SAMD15: variants seen among roughly 807,000 people sequenced by gnomAD.
SAMD15 encodes sterile alpha motif domain containing 15.
SAMD15 carries 37 observed loss-of-function variants against 50.5 expected under a neutral mutation model. The observed-to-expected ratio is 0.73, with a 90% CI of 0.56 to 0.96. The LOEUF is 0.96. Among genes scored for constraint, SAMD15 ranks in the 40% least tolerant of loss-of-function variants. The probability of loss-of-function intolerance (pLI) is 0.00; values close to 1 mark genes in which losing one functional copy is unlikely to be tolerated. For missense variants in SAMD15, 789 were observed against 783.8 expected, an observed-to-expected ratio of 1.01 and a Z score of -0.08; for synonymous variants, 255 against 282.8, an observed-to-expected ratio of 0.90 and a Z score of 0.99.
intron 1 of SAMD15, among the ~76,000 whole-genome samples, chr14:77,379,436 T>G (rs1164701245): frequency 6.6e-6 from 1 of 151,418 alleles, no homozygotes; most frequent in East Asian, 1.9e-4. Context: ...AAGGTTGGAG[T>G]GCAGTGGCAC....
rs1010909448 is a variant in SAMD15 at position 77,391,049 on chromosome 14, G to C, written c.1830G>C (p.Glu610Asp). Reference sequence around the variant, plus strand: ...CGCAGGAGCTCCTGGAAATTGAAGAGCCATTATTCAAACGCTCCATCAGCC... The same window carrying C: ...CGCAGGAGCTCCTGGAAATTGAAGACCCATTATTCAAACGCTCCATCAGCC... ...RHTQELLEIE[E>D]PLFKRSISLP... is the part of the protein sequence containing the mutation. Residue 610 changes from glutamate to aspartate, a missense_variant, in exon 3 of 3, where the codon GAG becomes GAC. Glu to Asp is a conservative substitution (Grantham distance 45). Around this residue, in one of 2 missense-constraint regions of SAMD15, gnomAD observed 770 missense variants for 745.4 expected, o/e 1.03. Coordinates refer to ENST00000216471, the MANE Select transcript of SAMD15 (RefSeq NM_001010860.4). The C allele has an allele frequency of 1.2e-6, 2 of 1,613,810 alleles. No individual in the cohort carries two copies. The highest frequency in any genetic ancestry group is 3.3e-5 in the Admixed American group (2 of 59,940).
chr14:77,380,370 G>A lies in SAMD15; in HGVS notation c.1690-13G>A. ...AGTACATTTTTTAAGTGATGTCCTT[G>A]TTGTATTGACAGGAGTGTTTTATCA... On this transcript the variant is annotated splice_polypyrimidine_tract_variant and intron_variant, in intron 1 of 2. Coordinates refer to ENST00000216471, the MANE Select transcript of SAMD15 (RefSeq NM_001010860.4). 1 of 1,560,676 alleles carries A rather than the reference G, an allele frequency of 6.4e-7. No homozygotes were observed. Among genetic ancestry groups the A allele is most frequent in the Non-Finnish European group, 8.8e-7 (1 of 1,131,794 alleles).
chr14:77,388,382 CGTGTGTGT>C (rs376913427), intron 2 of SAMD15, among the ~76,000 whole-genome samples: 8,340 of 133,118 alleles, frequency 0.063, 299 homozygotes, highest in Non-Finnish European at 0.084. Flanking sequence ...GCCACCTGTT[CGTGTGTGT>C]GTGTGTGTGT....
chr14:77,382,314 G>A (rs542237534), intron 2 of SAMD15, among the ~76,000 whole-genome samples: 2 of 152,126 alleles, frequency 1.3e-5, no homozygotes, highest in African/African-American at 4.8e-5. Context: ...TAGTAGAGAT[G>A]GGGTTTCACC....
intron 2 of SAMD15, 114 bp from the exon 3 acceptor site, chr14:77,390,894 A>C: frequency 1.4e-6 from 1 of 734,574 alleles, no homozygotes; most frequent in East Asian, 2.5e-5. Context: ...CGTCTCAAAA[A>C]AAAGAAAGAA....
At position 77,378,207 on chromosome 14, in the gene SAMD15, AT is replaced by A. The variant is rs1317479556; in HGVS notation, c.792del (p.Leu265TrpfsTer14). 1 of 1,614,026 alleles carries A rather than the reference AT, an allele frequency of 6.2e-7. No individual in the cohort carries two copies. The highest frequency in any genetic ancestry group is 1.7e-5 in the Admixed American group (1 of 60,016). ...TEPPEQARLE[F>X]LEKEPRKSSE... ...AGCCACCCGAGCAGGCTAGACTGGA[AT>A]TTCTGGAGAAGGAACCAAGAAAGTC... On this transcript the variant is annotated frameshift_variant, in exon 1 of 3. Transcript: ENST00000216471. LOFTEE classifies it high-confidence loss of function.
At position 77,377,633 on chromosome 14, in the gene SAMD15, C is replaced by T; in HGVS notation, c.215C>T (p.Ala72Val). 2.5e-6 allele frequency: 4 copies of T among 1,614,172 alleles called. No homozygotes were observed. Among genetic ancestry groups the T allele is most frequent in the Non-Finnish European group, 1.7e-6 (2 of 1,180,040 alleles). ...EDFKEGEPDS[A>V]KNVQLKPGGT... Reference sequence around the variant, plus strand: ...TTCAAAGAGGGGGAGCCAGACAGTGCTAAGAACGTGCAGCTGAAACCTGGC... The same window carrying T: ...TTCAAAGAGGGGGAGCCAGACAGTGTTAAGAACGTGCAGCTGAAACCTGGC... The change falls in exon 1 of 3, where the codon GCT becomes GTT. Residue 72 changes from alanine (A) to valine (V), a missense_variant. Ala to Val is a moderately conservative substitution (Grantham distance 64, BLOSUM62 0). Transcript: ENST00000216471.
intron 1 of SAMD15, 101 bp from the exon 2 acceptor site, chr14:77,380,280 CAG>C (rs532452145): frequency 3.1e-5 from 24 of 765,448 alleles, no homozygotes; most frequent in Non-Finnish European, 5.3e-5. Flanking sequence ...ATTTTTTTCT[CAG>C]GGTAGAACAA....
At position 77,377,795 on chromosome 14, in the gene SAMD15, T is replaced by TG; in HGVS notation, c.379dup (p.Asp127GlyfsTer2). On this transcript the variant is annotated frameshift_variant, in exon 1 of 3. Transcript: ENST00000216471. LOFTEE classifies it high-confidence loss of function. ...TTTTTCAAAGATTTGGAGGCCCCTA[T>TG]GGATGAAACGCATAAAGAGTCAGAC... The TG allele has an allele frequency of 6.2e-7, 1 of 1,614,032 alleles. No individual in the cohort carries two copies. Among genetic ancestry groups the TG allele is most frequent in the Non-Finnish European group, 8.5e-7 (1 of 1,180,012 alleles).
At position 77,391,154 on chromosome 14, in the gene SAMD15, T is replaced by C; in HGVS notation, c.1935T>C (p.Ser645=). ...TAAAATCTGATTCCTTGACTTTATC[T>C]GAATTTGTCAAAGCAGCAGGATTAC... ...TGIKSDSLTL[S]EFVKAAGLQD... Residue 645 remains serine, a synonymous_variant, in exon 3 of 3, where the codon TCT becomes TCC. Coordinates refer to ENST00000216471, the MANE Select transcript of SAMD15 (RefSeq NM_001010860.4). The C allele has an allele frequency of 6.2e-7, 1 of 1,613,914 alleles. No homozygotes were observed. The highest frequency in any genetic ancestry group is 8.5e-7 in the Non-Finnish European group (1 of 1,179,846).
intron 1 of SAMD15, 53 bp downstream of exon 1, chr14:77,379,160 T>TA (rs1469683332): frequency 6.5e-7 from 1 of 1,533,538 alleles, no homozygotes; most frequent in Non-Finnish European, 8.9e-7. Flanking sequence ...GTCTACTTCT[T>TA]ATTCCTTCTA....
At chr14:77,383,928 C>T (rs1893974978) in intron 2 of SAMD15, among the ~76,000 whole-genome samples, 1 of 143,434 alleles carries the variant, frequency 7.0e-6, no homozygotes. Flanking sequence ...CAAGATTGTG[C>T]TCTCCATGAA....
chr14:77,377,639 A>T lies in SAMD15; in HGVS notation c.221A>T (p.Asn74Ile), dbSNP rs371015537. 38 of 1,614,078 alleles carry T rather than the reference A, an allele frequency of 2.4e-5. No homozygotes were observed. The African/African-American group carries it at 4.0e-4, about 17-fold the overall frequency. ...FKEGEPDSAK[N>I]VQLKPGGTSQ... ...GAGGGGGAGCCAGACAGTGCTAAGAACGTGCAGCTGAAACCTGGCGGGACG... is the reference window on the plus strand; with the variant it reads ...GAGGGGGAGCCAGACAGTGCTAAGATCGTGCAGCTGAAACCTGGCGGGACG... The change falls in exon 1 of 3, where the codon AAC (asparagine) becomes ATC (isoleucine). Residue 74 changes from asparagine (N) to isoleucine (I), a missense_variant. Around this residue, in one of 2 missense-constraint regions of SAMD15, gnomAD observed 770 missense variants for 745.4 expected, o/e 1.03. Coordinates refer to ENST00000216471, the MANE Select transcript of SAMD15 (RefSeq NM_001010860.4).
chr14:77,383,563 TCA>T (rs1278620214), intron 2 of SAMD15, among the ~76,000 whole-genome samples: 5 of 152,364 alleles, frequency 3.3e-5, no homozygotes, highest in African/African-American at 9.6e-5. Flanking sequence ...ATACTCATTA[TCA>T]CAGTCACCTC....
At position 77,380,580 on chromosome 14, in the gene SAMD15, G is replaced by A; in HGVS notation, c.1788+99G>A. 9 of 711,716 alleles carry A rather than the reference G, an allele frequency of 1.3e-5. No homozygotes were observed. In the South Asian group the frequency reaches 1.3e-4, roughly 10 times the overall value. 44.1% of individuals were successfully genotyped at this position (711,716 alleles called of 1,614,324 possible). On this transcript the variant is annotated intron_variant, in intron 2 of 2. Coordinates refer to ENST00000216471, the MANE Select transcript of SAMD15 (RefSeq NM_001010860.4). ...TCCTCCAGCCTGGCCTCCCACTTCT[G>A]TCAATGGTGTCATCATAATTCCAGT...
At chr14:77,379,228 G>T in intron 1 of SAMD15, 121 bp downstream of exon 1, 1 of 904,754 alleles carries the variant, frequency 1.1e-6, no homozygotes. Context: ...CCTAGACTGT[G>T]GTAGAGGTAA....
intron 1 of SAMD15, 129 bp from the exon 2 acceptor site, chr14:77,380,254 G>A: frequency 1.5e-6 from 1 of 657,056 alleles, no homozygotes; most frequent in South Asian, 1.8e-5. Context: ...CTCTAAAAAA[G>A]AAAAAACAAA....
At position 77,378,685 on chromosome 14, in the gene SAMD15, G is replaced by C; in HGVS notation, c.1267G>C (p.Asp423His). 1 of 1,614,176 alleles carries C rather than the reference G, an allele frequency of 6.2e-7. No individual in the cohort carries two copies. Among genetic ancestry groups the C allele is most frequent in the Non-Finnish European group, 8.5e-7 (1 of 1,180,008 alleles). Residue 423 changes from aspartate (D) to histidine (H), a missense_variant, in exon 1 of 3, where the codon GAC (aspartate) becomes CAC (histidine). Transcript: ENST00000216471. ...RETHVEFSKE[D>H]RPEPIKSKYS... The stretch of plus-strand genomic sequence containing the variant: ...GACACATGTAGAATTTTCCAAGGAA[G>C]ACAGGCCAGAACCAATAAAGTCTAA...
intron 2 of SAMD15, 140 bp downstream of exon 2, chr14:77,380,621 T>G (rs1479575210): frequency 9.7e-6 from 6 of 620,080 alleles, no homozygotes; most frequent in Non-Finnish European, 1.7e-5. Flanking sequence ...AGGCTCACGG[T>G]GGTTGCCTCC....
Sources: allele counts gnomAD v4.1 joint callset (sites outside exome capture counted in the v4.1 genomes callset), GRCh38; gene constraint gnomAD v4.1.1; regional missense constraint gnomAD v4.1.1; transcripts MANE v1.5; gene names NCBI Gene and HGNC (gene_info 2026-07-23, HGNC 2026-07-21).